CTNNA3: variants seen among roughly 807,000 people sequenced by gnomAD.
The protein encoded by CTNNA3 is catenin alpha 3, also known as catenin alpha-3.
Under a neutral mutation model 95.7 loss-of-function variants are expected in CTNNA3, and 76 were observed. The ratio of observed to expected loss-of-function variants is 0.79; its 90% CI spans 0.66 to 0.96. The LOEUF is 0.96. Among genes scored for constraint, CTNNA3 ranks in the 40% least tolerant of loss-of-function variants. The pLI is 0.00. For synonymous variants in CTNNA3, 431 were observed against 374.4 expected, an observed-to-expected ratio of 1.15 and a Z score of -1.74; for missense variants, 1,191 against 1,089.8, an observed-to-expected ratio of 1.09 and a Z score of -1.31.
At chr10:66,112,243 A>G (rs954070074) in intron 13 of CTNNA3, among the ~76,000 whole-genome samples, 3 of 152,190 alleles carry the variant, frequency 2.0e-5, no homozygotes, top group Non-Finnish European at 2.9e-5. Flanking sequence ...CCAAGTGTCT[A>G]ACGGTGCCTG....
intron 4 of CTNNA3, among the ~76,000 whole-genome samples, chr10:67,533,469 A>T (rs1439392925): frequency 6.6e-6 from 1 of 152,236 alleles, no homozygotes; most frequent in Non-Finnish European, 1.5e-5. Context: ...ATTTATAAAC[A>T]ATGGTGACAA....
intron 5 of CTNNA3, among the ~76,000 whole-genome samples, chr10:67,390,469 A>T (rs201804737): frequency 6.6e-6 from 1 of 151,846 alleles, no homozygotes; most frequent in Admixed American, 6.5e-5. Context: ...CGAATTCTAC[A>T]AGAGGTACAA....
intron 3 of CTNNA3, among the ~76,000 whole-genome samples, chr10:67,600,511 TAAAACTACA>T (rs1372876102): frequency 6.6e-6 from 1 of 152,076 alleles, no homozygotes; most frequent in Non-Finnish European, 1.5e-5. Flanking sequence ...AAATACAAAT[TAAAACTACA>T]ATATAATACC....
intron 12 of CTNNA3, among the ~76,000 whole-genome samples, chr10:66,328,029 TTTTAATA>T (rs1443242182): frequency 6.6e-6 from 1 of 152,104 alleles, no homozygotes; most frequent in East Asian, 1.9e-4. Flanking sequence ...ATCACCATTC[TTTTAATA>T]TTTAATAGAT....
chr10:66,182,879 C>A (rs1019733684), intron 13 of CTNNA3, among the ~76,000 whole-genome samples: 1 of 151,956 alleles, frequency 6.6e-6, no homozygotes, highest in Non-Finnish European at 1.5e-5. Context: ...TCAAACTTAC[C>A]CTGAGTCAAA....
intron 15 of CTNNA3, among the ~76,000 whole-genome samples, chr10:65,996,210 G>A (rs2078654796): frequency 6.6e-6 from 1 of 152,202 alleles, no homozygotes; most frequent in African/African-American, 2.4e-5. Context: ...CAGAGCATGT[G>A]CAAGTTGAGG....
chr10:66,593,404 A>C (rs1199448344), intron 10 of CTNNA3, among the ~76,000 whole-genome samples: 3 of 152,138 alleles, frequency 2.0e-5, no homozygotes, highest in Admixed American at 2.0e-4. Context: ...GCTCCAGGTG[A>C]ATCTGTAGTT....
At chr10:67,188,524 G>T (rs1390804114) in intron 6 of CTNNA3, among the ~76,000 whole-genome samples, 1 of 152,132 alleles carries the variant, frequency 6.6e-6, no homozygotes, top group Non-Finnish European at 1.5e-5. Context: ...GAGAAAAGGG[G>T]AATCCTTGTA....
At chr10:66,026,724 G>T (rs1425421148) in intron 15 of CTNNA3, among the ~76,000 whole-genome samples, 1 of 152,064 alleles carries the variant, frequency 6.6e-6, no homozygotes, top group Non-Finnish European at 1.5e-5. Context: ...TCCCACAAAA[G>T]TGTATTTGAG....
chr10:66,161,860 A>G (rs2133936317), intron 13 of CTNNA3, among the ~76,000 whole-genome samples: 1 of 152,272 alleles, frequency 6.6e-6, no homozygotes, highest in Admixed American at 6.5e-5. Context: ...GTCGTTTAAC[A>G]TAATCCCAGA....
chr10:65,970,243 C>T (rs2078064880), intron 16 of CTNNA3, among the ~76,000 whole-genome samples: 1 of 151,908 alleles, frequency 6.6e-6, no homozygotes, highest in Non-Finnish European at 1.5e-5. Context: ...AATTAATTAC[C>T]ATTAGGCCAG....
intron 3 of CTNNA3, among the ~76,000 whole-genome samples, chr10:67,542,946 T>C (rs922674278): frequency 6.6e-6 from 1 of 152,010 alleles, no homozygotes; most frequent in African/African-American, 2.4e-5. Flanking sequence ...ATGTGGAGAG[T>C]CTACTCTTTT....
At chr10:67,630,624 A>C (rs1040290615) in intron 2 of CTNNA3, among the ~76,000 whole-genome samples, 3 of 152,184 alleles carry the variant, frequency 2.0e-5, no homozygotes, top group Admixed American at 6.5e-5. Flanking sequence ...AGCTATCCCC[A>C]AGGGGACAGG....
chr10:66,220,604 C>G (rs1264684245), intron 13 of CTNNA3, among the ~76,000 whole-genome samples: 5 of 152,168 alleles, frequency 3.3e-5, no homozygotes, highest in Non-Finnish European at 5.9e-5. Flanking sequence ...GTTCAGCATC[C>G]AAGAAGAATC....
intron 7 of CTNNA3, among the ~76,000 whole-genome samples, chr10:67,035,699 G>T (rs1027265050): frequency 2.0e-5 from 3 of 151,952 alleles, no homozygotes; most frequent in Non-Finnish European, 2.9e-5. Flanking sequence ...ATCAAATTAG[G>T]CAATAGACCT....
At chr10:66,928,118 C>A in intron 7 of CTNNA3, 1 of 1,614,096 alleles carries the variant, frequency 6.2e-7, no homozygotes, top group East Asian at 2.2e-5. Context: ...ACGGTGGGAG[C>A]CACAGAGCCC....
At chr10:66,855,665 A>G (rs1843658853) in intron 7 of CTNNA3, among the ~76,000 whole-genome samples, 1 of 152,028 alleles carries the variant, frequency 6.6e-6, no homozygotes, top group Non-Finnish European at 1.5e-5. Flanking sequence ...AAGATGAAAA[A>G]CAATATAAGA....
At chr10:66,816,417 A>G (rs1164772460) in intron 7 of CTNNA3, among the ~76,000 whole-genome samples, 2 of 152,124 alleles carry the variant, frequency 1.3e-5, no homozygotes, top group Non-Finnish European at 2.9e-5. Flanking sequence ...TTTAAAAATA[A>G]TACAACATGC....
At chr10:66,793,255 C>T (rs1424826698) in intron 7 of CTNNA3, among the ~76,000 whole-genome samples, 1 of 152,090 alleles carries the variant, frequency 6.6e-6, no homozygotes, top group African/African-American at 2.4e-5. Flanking sequence ...GATCCTCCCA[C>T]CTTAGCCTCC....
Sources: gnomAD v4.1 joint callset for allele counts (sites outside exome capture counted in the v4.1 genomes callset) on GRCh38, gnomAD v4.1.1 for gene constraint, MANE v1.5 for transcripts, NCBI Gene and HGNC (gene_info 2026-07-23, HGNC 2026-07-21) for gene names.